Variants in MAGI1 observed in about 807,000 individuals in gnomAD.
The protein encoded by MAGI1 is membrane-associated guanylate kinase, WW and PDZ domain-containing protein 1.
In MAGI1, 58 loss-of-function variants were observed where a neutral mutation model predicts 139.9. That is an observed-to-expected ratio of 0.41 (90% CI 0.34 to 0.52). The LOEUF is 0.52. Ranked by LOEUF, MAGI1 falls within the 20% of genes least tolerant of loss-of-function variation. MAGI1 has a pLI of 0.12. For synonymous variants in MAGI1, 812 were observed against 737.9 expected, an observed-to-expected ratio of 1.10 and a Z score of -1.63; for missense variants, 1,874 against 1,901.6, an observed-to-expected ratio of 0.99 and a Z score of 0.27.
intron 2 of MAGI1, among the ~76,000 whole-genome samples, chr3:65,610,290 G>C (rs1256894083): frequency 6.6e-6 from 1 of 152,104 alleles, no homozygotes; most frequent in Admixed American, 6.6e-5. Context: ...AAACAAAAAA[G>C]TTAATGAAAC....
chr3:65,401,304 G>T, intron 13 of MAGI1, 135 bp downstream of exon 13: 1 of 1,096,226 alleles, frequency 9.1e-7, no homozygotes, highest in Non-Finnish European at 1.3e-6. Flanking sequence ...AAGAAAATGA[G>T]CCCCGGCTCC....
intron 2 of MAGI1, among the ~76,000 whole-genome samples, chr3:65,504,720 C>G (rs2077210700): frequency 6.6e-6 from 1 of 152,182 alleles, no homozygotes; most frequent in Non-Finnish European, 1.5e-5. Flanking sequence ...TTCCCCACAA[C>G]CTCTTTGATC....
chr3:65,408,104 C>G (rs1214212688), intron 12 of MAGI1, among the ~76,000 whole-genome samples: 1 of 152,214 alleles, frequency 6.6e-6, no homozygotes, highest in Admixed American at 6.5e-5. Context: ...TAGTGACCCT[C>G]AGAAACCCAC....
chr3:65,614,172 G>A (rs374037495), intron 2 of MAGI1, among the ~76,000 whole-genome samples: 3 of 152,276 alleles, frequency 2.0e-5, no homozygotes, highest in East Asian at 3.9e-4. Context: ...AACAAGACAA[G>A]CGCTAATGAC....
intron 1 of MAGI1, among the ~76,000 whole-genome samples, chr3:65,698,531 T>C (rs1432116056): frequency 6.6e-6 from 1 of 151,950 alleles, no homozygotes; most frequent in Non-Finnish European, 1.5e-5. Context: ...AACAGAGATG[T>C]AGATCAATGG....
At chr3:65,688,001 GT>G in intron 1 of MAGI1, 3 of 828,716 alleles carry the variant, frequency 3.6e-6, no homozygotes, top group Non-Finnish European at 6.2e-6. Flanking sequence ...TGAGGGTTTC[GT>G]TTTCCTGGCT....
At position 66,000,157 on chromosome 3, in the gene MAGI1, T is replaced by C. The variant is rs1445568139; in HGVS notation, c.313+37839A>G. Among the ~76,000 whole-genome samples, 3 of 152,070 alleles carry C rather than the reference T, an allele frequency of 2.0e-5. No homozygotes were observed. The East Asian group carries it at 5.8e-4, about 30-fold the overall frequency. The stretch of plus-strand genomic sequence containing the variant: ...CCGGCTAATTTTCTTTTTGTATTTT[T>C]AGTAGAGACAGGGTTTCACCGTGTT... On this transcript the variant is annotated intron_variant, in intron 1 of 22. Transcript: ENST00000402939.
At chr3:65,361,164 A>G (rs933207429) in intron 22 of MAGI1, 35 bp downstream of exon 22, 8 of 1,614,132 alleles carry the variant, frequency 5.0e-6, no homozygotes, top group Non-Finnish European at 6.8e-6. Flanking sequence ...GAGTCATGCC[A>G]GGGAAGGAAG....
At chr3:65,650,645 G>A (rs968088471) in intron 1 of MAGI1, among the ~76,000 whole-genome samples, 7 of 152,106 alleles carry the variant, frequency 4.6e-5, no homozygotes, top group African/African-American at 1.7e-4. Flanking sequence ...ATAAATATCT[G>A]TGTTTTTAAG....
At chr3:66,027,985 T>C (rs1286162300) in intron 1 of MAGI1, among the ~76,000 whole-genome samples, 1 of 152,188 alleles carries the variant, frequency 6.6e-6, no homozygotes, top group African/African-American at 2.4e-5. Flanking sequence ...AGGCACTAAC[T>C]GACGTACCTC....
chr3:65,550,140 G>A (rs1296588898), intron 2 of MAGI1, among the ~76,000 whole-genome samples: 1 of 152,220 alleles, frequency 6.6e-6, no homozygotes, highest in East Asian at 1.9e-4. Context: ...CTGCATTCAA[G>A]GGCCCTTAAG....
chr3:65,884,422 G>A (rs2060453142), intron 1 of MAGI1, among the ~76,000 whole-genome samples: 1 of 152,100 alleles, frequency 6.6e-6, no homozygotes, highest in African/African-American at 2.4e-5. Flanking sequence ...CACAAGATAG[G>A]TGAACAATGG....
rs1397436104 is a variant in MAGI1 at position 66,038,329 on chromosome 3, C to T, written c.-21G>A. On this transcript the variant is annotated 5_prime_UTR_variant, in exon 1 of 23. An upstream open reading frame in the 5' UTR gains an earlier in-frame stop. Coordinates refer to ENST00000402939, the MANE Select transcript of MAGI1 (RefSeq NM_001033057.2). ...GACATGATGAGTTACACCCCTCCTC[C>T]AAAAAAATAAAACGAGAGACAGGTG... 2.0e-6 allele frequency: 3 copies of T among 1,521,980 alleles called. No homozygotes were observed. The highest frequency in any genetic ancestry group is 1.8e-6 in the Non-Finnish European group (2 of 1,136,334). 94.3% of individuals were successfully genotyped at this position (1,521,980 alleles called of 1,614,324 possible).
intron 1 of MAGI1, among the ~76,000 whole-genome samples, chr3:65,801,068 T>C (rs1313775251): frequency 1.3e-5 from 2 of 152,202 alleles, no homozygotes; most frequent in African/African-American, 4.8e-5. Flanking sequence ...CAAGCACCAT[T>C]GGTTTATATT....
intron 1 of MAGI1, among the ~76,000 whole-genome samples, chr3:65,723,117 G>C (rs2033230458): frequency 6.6e-6 from 1 of 152,138 alleles, no homozygotes; most frequent in Non-Finnish European, 1.5e-5. Context: ...GCGCAATGGA[G>C]AACCTGCCTT....
intron 1 of MAGI1, among the ~76,000 whole-genome samples, chr3:65,731,121 A>G (rs2034144331): frequency 1.3e-5 from 2 of 152,218 alleles, no homozygotes; most frequent in African/African-American, 4.8e-5. Context: ...TTTAAAACAT[A>G]TAACCCATAC....
intron 1 of MAGI1, among the ~76,000 whole-genome samples, chr3:65,903,815 C>T (rs1223318908): frequency 6.6e-6 from 1 of 152,016 alleles, no homozygotes; most frequent in Non-Finnish European, 1.5e-5. Flanking sequence ...CAAAACCAGC[C>T]TGGCCAATGT....
At chr3:65,991,108 G>A (rs979746666) in intron 1 of MAGI1, among the ~76,000 whole-genome samples, 5 of 151,926 alleles carry the variant, frequency 3.3e-5, no homozygotes, top group African/African-American at 9.7e-5. Flanking sequence ...GGCCAACAGC[G>A]TGAAACTCCA....
intron 1 of MAGI1, among the ~76,000 whole-genome samples, chr3:65,758,985 C>T (rs907369398): frequency 6.8e-6 from 1 of 147,826 alleles, no homozygotes; most frequent in East Asian, 2.0e-4. Flanking sequence ...TCCATCTAAT[C>T]CTTGCAAGCT....
Sources: allele counts gnomAD v4.1 joint callset (sites outside exome capture counted in the v4.1 genomes callset), GRCh38; gene constraint gnomAD v4.1.1; transcripts MANE v1.5; gene names NCBI Gene and HGNC (gene_info 2026-07-23, HGNC 2026-07-21).